TPO: variants seen among roughly 807,000 people sequenced by gnomAD.
TPO encodes thyroid peroxidase, also known as thyroid microsomal antigen.
In TPO, 78 loss-of-function variants were observed where a neutral mutation model predicts 96.9. The ratio of observed to expected loss-of-function variants is 0.81; its 90% CI spans 0.67 to 0.97. The LOEUF (loss-of-function observed/expected upper bound fraction) is 0.97. Ranked by LOEUF, TPO falls within the 50% of genes least tolerant of loss-of-function variation. The pLI is 0.00. For missense variants in TPO, 1,252 were observed against 1,274.8 expected (o/e 0.98, Z 0.27); for synonymous variants, 547 against 538.0 (o/e 1.02, Z -0.23).
At chr2:1,471,112 G>A (rs1039391597) in intron 7 of TPO, among the ~76,000 whole-genome samples, 1 of 152,198 alleles carries the variant, frequency 6.6e-6, no homozygotes, top group African/African-American at 2.4e-5. Flanking sequence ...ACAGTGGTCA[G>A]GGGTTGCCCA....
At chr2:1,377,483 C>T (rs1661739290) in intron 1 of TPO, among the ~76,000 whole-genome samples, 2 of 152,128 alleles carry the variant, frequency 1.3e-5, no homozygotes, top group African/African-American at 4.8e-5. Flanking sequence ...AAGTGAGGAG[C>T]CAGGCTTCTC....
chr2:1,450,816 T>C (rs1558301021), intron 5 of TPO, among the ~76,000 whole-genome samples: 1 of 152,208 alleles, frequency 6.6e-6, no homozygotes, highest in African/African-American at 2.4e-5. Flanking sequence ...CACCTCCCTA[T>C]GAGCCATACT....
At chr2:1,500,839 G>T (rs1436420914) in intron 13 of TPO, among the ~76,000 whole-genome samples, 2 of 152,074 alleles carry the variant, frequency 1.3e-5, no homozygotes, top group African/African-American at 4.8e-5. Context: ...GGGCATGGTG[G>T]TAGGCGCCTG....
At position 1,461,703 on chromosome 2, in the gene TPO, TAC is replaced by T. The variant is rs376545282; in HGVS notation, c.819+5428_819+5429del. On this transcript the variant is annotated intron_variant, in intron 7 of 16. Transcript: ENST00000329066. The stretch of plus-strand genomic sequence containing the variant: ...ACACACGCACACCCACCCACACCCA[TAC>T]ACACACGTGCACACAGGCACACGCA... Among the ~76,000 whole-genome samples the T allele has an allele frequency of 3.3e-4, 50 of 152,078 alleles. 1 individual carries two copies. Among genetic ancestry groups the T allele is most frequent in the Admixed American group, 2.9e-3 (44 of 15,270 alleles).
chr2:1,449,274 C>T (rs1667112836), intron 5 of TPO, among the ~76,000 whole-genome samples: 1 of 152,214 alleles, frequency 6.6e-6, no homozygotes, highest in Admixed American at 6.5e-5. Flanking sequence ...AATGTTGCAT[C>T]TCCCATCCAG....
At chr2:1,491,332 T>C (rs375419391) in intron 10 of TPO, among the ~76,000 whole-genome samples, 4 of 152,312 alleles carry the variant, frequency 2.6e-5, no homozygotes, top group South Asian at 2.1e-4. Context: ...GCCTTGCATA[T>C]TTTCCCTCTA....
chr2:1,505,313 C>T (rs1294237069), intron 14 of TPO, among the ~76,000 whole-genome samples: 1 of 150,852 alleles, frequency 6.6e-6, no homozygotes, highest in Non-Finnish European at 1.5e-5. Flanking sequence ...GCACATCCCA[C>T]TCTCCTGAGT....
intron 14 of TPO, among the ~76,000 whole-genome samples, chr2:1,512,064 C>T (rs1034517483): frequency 2.6e-5 from 4 of 151,626 alleles, no homozygotes; most frequent in Admixed American, 6.6e-5. Flanking sequence ...GACGGAGTCT[C>T]GCTCTGTCGC....
intron 14 of TPO, among the ~76,000 whole-genome samples, chr2:1,515,806 C>T (rs963108384): frequency 4.6e-5 from 7 of 152,146 alleles, no homozygotes. Flanking sequence ...CAGCCGCTGC[C>T]TCTGTCTGGT....
Position 1,478,196 on chromosome 2 carries a change from A to T in TPO, c.1338+592A>T, listed in dbSNP as rs937331328. 4 of 985,300 alleles carry T rather than the reference A, an allele frequency of 4.1e-6. No individual in the cohort carries two copies. The African/African-American group carries it at 5.2e-5, about 13-fold the overall frequency. The allele number at this position is 985,300 out of a possible 1,614,324, so 61.0% of individuals were successfully genotyped here. On this transcript the variant is annotated intron_variant, in intron 8 of 16. Transcript: ENST00000329066. ...TTAAGTATCACATGAGAGGGTCTTG[A>T]ATGGAGAGTCAAGTTGGCCTTTTAT...
chr2:1,426,560 T>A (rs2148462681), intron 3 of TPO, among the ~76,000 whole-genome samples: 1 of 152,344 alleles, frequency 6.6e-6, no homozygotes, highest in Middle Eastern at 3.4e-3. Context: ...CAGAGATAAG[T>A]TAGATCATTT....
intron 7 of TPO, among the ~76,000 whole-genome samples, chr2:1,476,253 G>A (rs555117530): frequency 1.6e-4 from 25 of 152,266 alleles, no homozygotes; most frequent in African/African-American, 4.3e-4. Flanking sequence ...CTGGATGAGC[G>A]ATTTAACCTC....
intron 5 of TPO, chr2:1,439,457 C>A (rs1665934600): frequency 6.6e-6 from 1 of 152,226 alleles, no homozygotes; most frequent in Non-Finnish European, 1.5e-5. Context: ...CCCTTGGCCC[C>A]TGGGTGGTTT....
chr2:1,529,011 ACCT>A (rs1489009524), intron 15 of TPO, among the ~76,000 whole-genome samples: 2 of 107,098 alleles, frequency 1.9e-5, no homozygotes, highest in East Asian at 3.5e-4. Flanking sequence ...ACTGTGAGTA[ACCT>A]CCTCAAATCC....
rs535476691 is a variant in TPO, at chr2:1,531,529, C to T, written c.2619-9065C>T. On this transcript the variant is annotated intron_variant, in intron 15 of 16. Coordinates refer to ENST00000329066, the MANE Select transcript of TPO (RefSeq NM_001206744.2). Reference sequence around the variant, plus strand: ...CAAAATTGCCCCCACTGTGTGCAACCTCCTCAAATCCCTCCCACTCTGTGC... The same window carrying T: ...CAAAATTGCCCCCACTGTGTGCAACTTCCTCAAATCCCTCCCACTCTGTGC... Among the ~76,000 whole-genome samples, 37 of 93,882 alleles carry T rather than the reference C, an allele frequency of 3.9e-4. 1 individual carries two copies. The highest frequency in any genetic ancestry group is 2.8e-3 in the East Asian group (8 of 2,846). The allele number at this position is 93,882 out of a possible 152,430, so 61.6% of individuals were successfully genotyped here.
At chr2:1,402,395 G>A (rs1662186673) in intron 1 of TPO, among the ~76,000 whole-genome samples, 1 of 152,218 alleles carries the variant, frequency 6.6e-6, no homozygotes, top group Non-Finnish European at 1.5e-5. Flanking sequence ...TGCTTAGGAA[G>A]AGACGGGAGC....
At chr2:1,406,409 CA>C (rs1662251290) in intron 1 of TPO, among the ~76,000 whole-genome samples, 2 of 152,218 alleles carry the variant, frequency 1.3e-5, no homozygotes. Flanking sequence ...TTGTAAGACA[CA>C]AAGAACTTAG....
At chr2:1,515,020 GCC>G (rs1272911099) in intron 14 of TPO, among the ~76,000 whole-genome samples, 1 of 152,050 alleles carries the variant, frequency 6.6e-6, no homozygotes. Flanking sequence ...TCCACAGGTG[GCC>G]CCTCCAGCCC....
chr2:1,542,645 C>T lies in TPO; in HGVS notation c.*171C>T. 1.3e-6 allele frequency: 2 copies of T among 1,534,658 alleles called. No individual in the cohort carries two copies. Among genetic ancestry groups the T allele is most frequent in the Non-Finnish European group, 1.8e-6 (2 of 1,134,098 alleles). ...AGGCATGGATGAATAAATGTTATAGCTGCATTTGTCTGGCCTTTTCTTGTA... is the reference window on the plus strand; with the variant it reads ...AGGCATGGATGAATAAATGTTATAGTTGCATTTGTCTGGCCTTTTCTTGTA... On this transcript the variant is annotated 3_prime_UTR_variant, in exon 17 of 17. Coordinates refer to ENST00000329066, the MANE Select transcript of TPO (RefSeq NM_001206744.2).
Sources: gnomAD v4.1 joint callset for allele counts (sites outside exome capture counted in the v4.1 genomes callset) on GRCh38, gnomAD v4.1.1 for gene constraint, MANE v1.5 for transcripts, NCBI Gene and HGNC (gene_info 2026-07-23, HGNC 2026-07-21) for gene names.